Variants in L3MBTL4 observed in about 807,000 individuals in gnomAD.
L3MBTL4 encodes the protein L3MBTL histone methyl-lysine binding protein 4.
Under a neutral mutation model 84.5 loss-of-function variants are expected in L3MBTL4, and 70 were observed. The observed-to-expected ratio is 0.83, with a 90% CI of 0.68 to 1.01. The LOEUF (loss-of-function observed/expected upper bound fraction) is 1.01. Ranked by LOEUF, L3MBTL4 falls within the 50% of genes least tolerant of loss-of-function variation. The pLI is 0.00. For synonymous variants in L3MBTL4, 274 were observed against 259.8 expected, an observed-to-expected ratio of 1.05 and a Z score of -0.52; for missense variants, 715 against 754.8, an observed-to-expected ratio of 0.95 and a Z score of 0.62.
intron 16 of L3MBTL4, among the ~76,000 whole-genome samples, chr18:6,078,427 AAAAAAAAAAAAC>A (rs1397962584): frequency 1.7e-3 from 146 of 86,476 alleles, no homozygotes; most frequent in African/African-American, 9.7e-3. Flanking sequence ...AGTCCACCTC[AAAAAAAAAAAAC>A]AAAAAAAAAA....
At chr18:6,017,683 G>C (rs114004129) in intron 16 of L3MBTL4, 219 of 152,286 alleles carry the variant, frequency 1.4e-3, no homozygotes, top group African/African-American at 4.9e-3. Context: ...TCAGAGGAAA[G>C]AGCAATTAAT....
rs187969042 is a variant in L3MBTL4, at chr18:6,121,212, C to T, written c.1199+16982G>A. 1.9e-3 allele frequency among the ~76,000 whole-genome samples: 292 copies of T among 152,304 alleles called. 1 individual carries two copies. The highest frequency in any genetic ancestry group is 3.6e-3 in the Non-Finnish European group (246 of 68,020). On this transcript the variant is annotated intron_variant, in intron 14 of 18. Coordinates refer to ENST00000317931, the MANE Select transcript of L3MBTL4 (RefSeq NM_001330559.2). Reference sequence around the variant, plus strand: ...GTTCATTTACAGATGCACAGCACCACATTATTTACTTTGGATTATTGCCCT... The same window carrying T: ...GTTCATTTACAGATGCACAGCACCATATTATTTACTTTGGATTATTGCCCT...
intron 1 of L3MBTL4, among the ~76,000 whole-genome samples, chr18:6,319,667 C>A (rs2051303970): frequency 6.6e-6 from 1 of 151,942 alleles, no homozygotes; most frequent in East Asian, 1.9e-4. Flanking sequence ...AAGCACAGAG[C>A]AAGATGAATT....
intron 16 of L3MBTL4, among the ~76,000 whole-genome samples, chr18:6,077,322 C>T (rs934693988): frequency 6.6e-6 from 1 of 152,152 alleles, no homozygotes; most frequent in African/African-American, 2.4e-5. Context: ...TCATGGTTTC[C>T]TCTACAGACT....
intron 4 of L3MBTL4, among the ~76,000 whole-genome samples, chr18:6,284,811 T>C (rs1000834745): frequency 6.6e-6 from 1 of 152,338 alleles, no homozygotes; most frequent in East Asian, 1.9e-4. Flanking sequence ...TAGAGCGACC[T>C]TGGCCTCGAG....
intron 14 of L3MBTL4, among the ~76,000 whole-genome samples, chr18:6,108,218 T>C (rs2059077099): frequency 1.3e-5 from 2 of 152,288 alleles, no homozygotes; most frequent in South Asian, 4.1e-4. Context: ...TATGCCTTAG[T>C]CTAAAGATAC....
chr18:6,260,250 G>T (rs1256039798), intron 5 of L3MBTL4: 3 of 152,146 alleles, frequency 2.0e-5, no homozygotes, highest in African/African-American at 7.2e-5. Flanking sequence ...GCTTAGGATT[G>T]CTTTCACTAT....
chr18:6,060,432 GGGCA>G, intron 16 of L3MBTL4, among the ~76,000 whole-genome samples: 1 of 149,462 alleles, frequency 6.7e-6, no homozygotes, highest in East Asian at 1.9e-4. Context: ...TTATTTTTCA[GGGCA>G]GTTTTAGGTT....
chr18:6,152,777 T>A (rs1173999052), intron 13 of L3MBTL4, among the ~76,000 whole-genome samples: 1 of 152,150 alleles, frequency 6.6e-6, no homozygotes, highest in Non-Finnish European at 1.5e-5. Flanking sequence ...TATTTTTGCT[T>A]TTGTTGTCAT....
At chr18:6,103,962 T>C (rs2058915577) in intron 14 of L3MBTL4, among the ~76,000 whole-genome samples, 1 of 152,204 alleles carries the variant, frequency 6.6e-6, no homozygotes, top group South Asian at 2.1e-4. Context: ...GCAGAGGTCC[T>C]GCTGCCCTCC....
At chr18:6,256,327 C>T (rs138409982) in intron 5 of L3MBTL4, among the ~76,000 whole-genome samples, 3 of 151,982 alleles carry the variant, frequency 2.0e-5, no homozygotes, top group African/African-American at 7.2e-5. Context: ...AGGGTGAATT[C>T]CCTTTACTCA....
chr18:6,222,949 T>TTATAATATAATATAATATAATATAA (rs11281784), intron 10 of L3MBTL4, among the ~76,000 whole-genome samples: 63 of 145,638 alleles, frequency 4.3e-4, no homozygotes, highest in South Asian at 1.5e-3. Flanking sequence ...AATTTTTCTA[T>TTATAATATAATATAATATAATATAA]TATAATATAA....
At chr18:6,302,861 T>C (rs1436703018) in intron 3 of L3MBTL4, among the ~76,000 whole-genome samples, 1 of 152,068 alleles carries the variant, frequency 6.6e-6, no homozygotes. Context: ...CGTGGTGGCA[T>C]GTGCCTGAAA....
At chr18:6,148,139 T>G (rs1284876210) in intron 13 of L3MBTL4, among the ~76,000 whole-genome samples, 1 of 152,202 alleles carries the variant, frequency 6.6e-6, no homozygotes, top group Non-Finnish European at 1.5e-5. Context: ...ATAGTTTTAC[T>G]GATATATGGA....
intron 12 of L3MBTL4, among the ~76,000 whole-genome samples, chr18:6,186,711 C>T (rs2044784256): frequency 1.3e-5 from 2 of 152,126 alleles, no homozygotes; most frequent in Admixed American, 1.3e-4. Flanking sequence ...AGCAAACGCA[C>T]CTTCCTTCCG....
At chr18:6,198,461 T>C (rs2045504857) in intron 12 of L3MBTL4, among the ~76,000 whole-genome samples, 3 of 152,218 alleles carry the variant, frequency 2.0e-5, no homozygotes, top group African/African-American at 2.4e-5. Context: ...CTTATTTCTG[T>C]ATCTTGCACC....
intron 4 of L3MBTL4, among the ~76,000 whole-genome samples, chr18:6,291,991 A>G (rs1360586912): frequency 6.6e-6 from 1 of 152,154 alleles, no homozygotes; most frequent in Non-Finnish European, 1.5e-5. Flanking sequence ...CAACACCAAC[A>G]CCACTAACAT....
chr18:5,967,973 CTG>C (rs1186426161), intron 17 of L3MBTL4, among the ~76,000 whole-genome samples: 3 of 152,262 alleles, frequency 2.0e-5, no homozygotes. Context: ...GATCTGGACT[CTG>C]TTGCTCTGCA....
intron 16 of L3MBTL4, among the ~76,000 whole-genome samples, chr18:6,047,462 AG>A (rs1436484482): frequency 2.0e-5 from 3 of 152,174 alleles, no homozygotes; most frequent in Non-Finnish European, 4.4e-5. Flanking sequence ...AAAAGATTTC[AG>A]GCCAATATAC....
Sources: allele counts gnomAD v4.1 joint callset (sites outside exome capture counted in the v4.1 genomes callset), GRCh38; gene constraint gnomAD v4.1.1; transcripts MANE v1.5; gene names NCBI Gene and HGNC (gene_info 2026-07-23, HGNC 2026-07-21).